WFS1: variants seen among roughly 807,000 people sequenced by gnomAD.
WFS1 encodes the protein wolframin.
Under a neutral mutation model 68.5 loss-of-function variants are expected in WFS1, and 90 were observed. That is an observed-to-expected ratio of 1.31 (90% CI 1.11 to 1.56). The LOEUF (loss-of-function observed/expected upper bound fraction) is 1.56, where lower values mean the gene tolerates loss of function less well. Ranked by LOEUF, WFS1 falls within the 40% of genes most tolerant of loss-of-function variation. WFS1 has a pLI of 0.00. For missense variants in WFS1, 1,767 were observed against 1,232.6 expected (o/e 1.43, Z -6.49); for synonymous variants, 860 against 540.7 (o/e 1.59, Z -8.19).
Position 6,301,829 on chromosome 4 carries a change from G to T in WFS1, c.2034G>T (p.Trp678Cys). The part of the protein sequence containing the change: ...QYGALCGPRA[W>C]KETNMARTQI... ...GTGCGCTGTGCGGGCCACGCGCCTG[G>T]AAGGAGACCAACATGGCGCGCACCC... is the stretch of plus-strand genomic sequence containing the variant. Residue 678 changes from tryptophan to cysteine, a missense_variant, in exon 8 of 8, where the codon TGG (tryptophan) becomes TGT (cysteine). Coordinates refer to ENST00000226760, the MANE Select transcript of WFS1 (RefSeq NM_006005.3). 1 of 1,613,170 alleles carries T rather than the reference G, an allele frequency of 6.2e-7. No homozygotes were observed. The highest frequency in any genetic ancestry group is 8.5e-7 in the Non-Finnish European group (1 of 1,180,012).
At chr4:6,295,939 T>G (rs1327856723) in intron 7 of WFS1, among the ~76,000 whole-genome samples, 1 of 152,190 alleles carries the variant, frequency 6.6e-6, no homozygotes, top group Admixed American at 6.5e-5. Context: ...TTCCAGAAGC[T>G]TGGCCTCCTG....
At chr4:6,291,794 C>A in intron 5 of WFS1, 123 bp from the exon 6 acceptor site, 8 of 1,084,306 alleles carry the variant, frequency 7.4e-6, no homozygotes, top group Admixed American at 4.0e-5. Context: ...CCTATGATCC[C>A]CAGAACGTAG....
intron 7 of WFS1, among the ~76,000 whole-genome samples, chr4:6,299,897 T>G (rs1400732694): frequency 3.3e-4 from 12 of 36,058 alleles, no homozygotes; most frequent in African/African-American, 9.9e-4. Flanking sequence ...TGTGTAGGGG[T>G]GGGTTGTGTG....
intron 6 of WFS1, among the ~76,000 whole-genome samples, chr4:6,294,286 T>C (rs1016277998): frequency 1.3e-5 from 2 of 151,948 alleles, no homozygotes; most frequent in Admixed American, 6.5e-5. Flanking sequence ...GGGGATCATG[T>C]TGGATAGAGG....
chr4:6,291,207 C>G lies in WFS1; in HGVS notation c.471C>G (p.Ser157=), dbSNP rs71524347. 27 of 1,612,406 alleles carry G rather than the reference C, an allele frequency of 1.7e-5. No homozygotes were observed. The South Asian group carries it at 2.7e-4, about 16-fold the overall frequency. ...RCLADRRGIT[S]ENEREVRQLS... ...CATCCTATCCCTCAGGCATCACGTCCGAGAACGAACGGGAGGTGAGGCAGC... is the reference window on the plus strand; with the variant it reads ...CATCCTATCCCTCAGGCATCACGTCGGAGAACGAACGGGAGGTGAGGCAGC... Residue 157 remains serine (S), a synonymous_variant, in exon 5 of 8, where the codon TCC becomes TCG. Transcript: ENST00000226760.
rs1259478955 is a variant in WFS1, at chr4:6,300,745, CCAT to C, written c.955_957del (p.Ile319del). On this transcript the variant is annotated inframe_deletion, in exon 8 of 8. Transcript: ENST00000226760. Reference sequence around the variant, plus strand: ...AGGGCAGGCATGCACTGGCTGTCCACCATCATCCCCACGCACCACATCAACGCG... The same window carrying C: ...AGGGCAGGCATGCACTGGCTGTCCACCATCCCCACGCACCACATCAACGCG... The C allele has an allele frequency of 2.5e-6, 4 of 1,613,952 alleles. No individual in the cohort carries two copies. The highest frequency in any genetic ancestry group is 3.4e-6 in the Non-Finnish European group (4 of 1,180,006).
At position 6,302,390 on chromosome 4, in the gene WFS1, C is replaced by T. The variant is rs142469572; in HGVS notation, c.2595C>T (p.His865=). ...CCAGGCGGCACGTGAAGATCGAGCA[C>T]GACTGGCGCAGCACCGTGCATGGCG... ...SPTRRHVKIE[H]DWRSTVHGAV... The change falls in exon 8 of 8, where the codon CAC becomes CAT. Residue 865 remains histidine (H), a synonymous_variant. Transcript: ENST00000226760. 59 of 1,613,108 alleles carry T rather than the reference C, an allele frequency of 3.7e-5. No individual in the cohort carries two copies. The highest frequency in any genetic ancestry group is 1.6e-4 in the Middle Eastern group (1 of 6,062).
At chr4:6,291,059 A>G in intron 4 of WFS1, 138 bp from the exon 5 acceptor site, 1 of 994,810 alleles carries the variant, frequency 1.0e-6, no homozygotes, top group Non-Finnish European at 1.5e-6. Flanking sequence ...ATGTCCATGC[A>G]TCCTTCCCTG....
chr4:6,295,807 T>G (rs958759465), intron 7 of WFS1, among the ~76,000 whole-genome samples: 1 of 152,238 alleles, frequency 6.6e-6, no homozygotes, highest in East Asian at 1.9e-4. Context: ...GCCCTACTCC[T>G]GGCCTGACAG....
rs1312454376 is a variant in WFS1, at chr4:6,302,493, C to T, written c.*25C>T. 5.0e-6 allele frequency: 8 copies of T among 1,611,418 alleles called. No homozygotes were observed. The highest frequency in any genetic ancestry group is 6.8e-6 in the Non-Finnish European group (8 of 1,179,972). On this transcript the variant is annotated 3_prime_UTR_variant, in exon 8 of 8. Transcript: ENST00000226760. ...AGGATGGTCCGCCACGAGGAGCTTC[C>T]AGTGCATGTTGCCATGAGGCCTTTC...
intron 6 of WFS1, 119 bp from the exon 7 acceptor site, chr4:6,294,922 C>G: frequency 1.3e-6 from 2 of 1,546,044 alleles, no homozygotes; most frequent in South Asian, 1.1e-5. Context: ...TCCACCTGAA[C>G]CCACTCAGCT....
Position 6,302,169 on chromosome 4 carries a change from A to C in WFS1, c.2374A>C (p.Ser792Arg). 1 of 1,612,712 alleles carries C rather than the reference A, an allele frequency of 6.2e-7. No homozygotes were observed. The highest frequency in any genetic ancestry group is 8.5e-7 in the Non-Finnish European group (1 of 1,179,970). Reference protein sequence around the residue: ...PFSSGADGSRSREEDDVTKDI... With the variant: ...PFSSGADGSRRREEDDVTKDI... ...CAGCAGCGGCGCTGACGGCTCGCGC[A>C]GCCGCGAGGAGGACGACGTCACCAA... Residue 792 changes from serine (S) to arginine (R), a missense_variant, in exon 8 of 8, where the codon AGC becomes CGC. Physicochemically the swap from Ser to Arg is moderately radical, Grantham distance 110 (BLOSUM62 -1). Transcript: ENST00000226760.
At chr4:6,276,672 A>G (rs1425813824) in intron 1 of WFS1, among the ~76,000 whole-genome samples, 6 of 152,096 alleles carry the variant, frequency 3.9e-5, no homozygotes. Context: ...AACTTTACTC[A>G]GTACCAGCGT....
At position 6,280,411 on chromosome 4, in the gene WFS1, A is replaced by G. The variant is rs529174870; in HGVS notation, c.232+2724A>G. Reference sequence around the variant, plus strand: ...GGGGGGATCTGTTGTTCTGCTCAACAAGAGAATAAAGCTGGGCTTGTCACA... The same window carrying G: ...GGGGGGATCTGTTGTTCTGCTCAACGAGAGAATAAAGCTGGGCTTGTCACA... On this transcript the variant is annotated intron_variant, in intron 2 of 7. Coordinates refer to ENST00000226760, the MANE Select transcript of WFS1 (RefSeq NM_006005.3). 2.0e-5 allele frequency among the ~76,000 whole-genome samples: 3 copies of G among 152,284 alleles called. No individual in the cohort carries two copies. In the East Asian group the frequency reaches 5.8e-4, roughly 29 times the overall value.
intron 2 of WFS1, among the ~76,000 whole-genome samples, chr4:6,286,364 C>T (rs866326878): frequency 6.6e-6 from 1 of 152,182 alleles, no homozygotes; most frequent in African/African-American, 2.4e-5. Flanking sequence ...TTGCCCCTTC[C>T]ACCCTGTGAG....
In WFS1 at chr4:6,300,780, T is replaced by A. The variant is rs188848517; in HGVS notation, c.985T>A (p.Phe329Ile). The A allele has an allele frequency of 1.6e-4, 252 of 1,614,034 alleles. No homozygotes were observed. The highest frequency in any genetic ancestry group is 5.0e-4 in the Middle Eastern group (3 of 6,060). The change falls in exon 8 of 8, where the codon TTC becomes ATC. Residue 329 changes from phenylalanine to isoleucine, a missense_variant. Coordinates refer to ENST00000226760, the MANE Select transcript of WFS1 (RefSeq NM_006005.3). ...IPTHHINALIFFFIVSNLTID... is the reference protein window; with the variant it reads ...IPTHHINALIIFFIVSNLTID... The stretch of plus-strand genomic sequence containing the variant: ...CACGCACCACATCAACGCGCTCATC[T>A]TCTTCTTCATCGTCAGCAACCTCAC...
intron 2 of WFS1, among the ~76,000 whole-genome samples, chr4:6,278,580 C>T (rs1230260829): frequency 6.6e-6 from 1 of 152,214 alleles, no homozygotes; most frequent in African/African-American, 2.4e-5. Flanking sequence ...GTGACTTGCC[C>T]AAGAGACCCA....
chr4:6,278,623 G>C (rs1191099889), intron 2 of WFS1, among the ~76,000 whole-genome samples: 2 of 152,250 alleles, frequency 1.3e-5, no homozygotes, highest in African/African-American at 4.8e-5. Context: ...GAGTGGTCCA[G>C]GTTTCCTTCT....
rs756887340 is a variant in WFS1 at position 6,292,001 on chromosome 4, A to C, written c.712+4A>C. The C allele has an allele frequency of 2.5e-6, 4 of 1,604,542 alleles. No individual in the cohort carries two copies. The highest frequency in any genetic ancestry group is 3.4e-6 in the Non-Finnish European group (4 of 1,176,892). On this transcript the variant is annotated splice_donor_region_variant and intron_variant, in intron 6 of 7. Coordinates refer to ENST00000226760, the MANE Select transcript of WFS1 (RefSeq NM_006005.3). ...GAGCGCCTGGTCAGCAGCGAGTGTG[A>C]GTGCAGCCCCTGCCCCGTCTCACCC...
Sources: gnomAD v4.1 joint callset for allele counts (sites outside exome capture counted in the v4.1 genomes callset) on GRCh38, gnomAD v4.1.1 for gene constraint, MANE v1.5 for transcripts, NCBI Gene and HGNC (gene_info 2026-07-23, HGNC 2026-07-21) for gene names.